The following AUTS2 variants were observed in gnomAD, a reference collection of about 807,000 sequenced individuals.
AUTS2 encodes the protein activator of transcription and developmental regulator AUTS2.
AUTS2 carries 17 observed loss-of-function variants against 112.4 expected under a neutral mutation model. The ratio of observed to expected loss-of-function variants is 0.15; its 90% CI spans 0.10 to 0.23. AUTS2 has a LOEUF of 0.23. Among genes scored for constraint, AUTS2 ranks in the 10% least tolerant of loss-of-function variants. The pLI, the probability that AUTS2 is intolerant of heterozygous loss-of-function variation, is 1.00. For missense variants in AUTS2, 1,510 were observed against 1,701.6 expected (o/e 0.89, Z 1.98); for synonymous variants, 751 against 702.7 (o/e 1.07, Z -1.09).
chr7:70,407,173 G>A (rs1794573533), intron 4 of AUTS2, among the ~76,000 whole-genome samples: 1 of 152,178 alleles, frequency 6.6e-6, no homozygotes, highest in Non-Finnish European at 1.5e-5. Context: ...GATGCAAGTA[G>A]GTTTGGCAGC....
chr7:70,582,578 C>G (rs1042504155), intron 5 of AUTS2, among the ~76,000 whole-genome samples: 2 of 152,174 alleles, frequency 1.3e-5, no homozygotes. Flanking sequence ...TTGGGACTCA[C>G]CACTTCACAG....
At chr7:70,162,274 G>A (rs959232721) in intron 4 of AUTS2, among the ~76,000 whole-genome samples, 12 of 150,058 alleles carry the variant, frequency 8.0e-5, no homozygotes, top group Non-Finnish European at 7.4e-5. Flanking sequence ...GTGAAACCCC[G>A]TCTCTACTAA....
chr7:70,455,788 A>G (rs887942900), intron 5 of AUTS2, among the ~76,000 whole-genome samples: 2 of 152,110 alleles, frequency 1.3e-5, no homozygotes, highest in Non-Finnish European at 2.9e-5. Context: ...CTCTGTCGCT[A>G]CAATTAAAAA....
At chr7:70,608,166 C>T (rs541445703) in intron 5 of AUTS2, among the ~76,000 whole-genome samples, 6 of 152,254 alleles carry the variant, frequency 3.9e-5, no homozygotes, top group Non-Finnish European at 5.9e-5. Flanking sequence ...AGCAATGGCA[C>T]AGTCATAGTT....
chr7:70,043,017 T>TAAA (rs71978854), intron 2 of AUTS2, among the ~76,000 whole-genome samples: 2 of 127,442 alleles, frequency 1.6e-5, no homozygotes, highest in Non-Finnish European at 3.4e-5. Context: ...GCACACTCAC[T>TAAA]AAAAAAAAAA....
chr7:69,718,380 G>A (rs1033164587), intron 1 of AUTS2, among the ~76,000 whole-genome samples: 4 of 152,122 alleles, frequency 2.6e-5, no homozygotes, highest in African/African-American at 9.7e-5. Flanking sequence ...GTGTCAGGGG[G>A]CTGTGTTCCT....
Position 69,894,260 on chromosome 7 carries a change from T to TG in AUTS2, c.310-5026_310-5025insG, listed in dbSNP as rs1794647394. ...AATGAATGCCTTAAAGCGTTTTTTT[T>TG]TTTTTTTTTTTTTTTTTTAACAGAT... On this transcript the variant is annotated intron_variant, in intron 1 of 18. Transcript: ENST00000342771. 3.7e-5 allele frequency among the ~76,000 whole-genome samples: 5 copies of TG among 135,002 alleles called. No individual in the cohort carries two copies. The Admixed American group carries it at 3.8e-4, about 10-fold the overall frequency. 88.6% of individuals were successfully genotyped at this position (135,002 alleles called of 152,430 possible).
chr7:69,908,843 G>A (rs1179323403), intron 2 of AUTS2, among the ~76,000 whole-genome samples: 7 of 152,154 alleles, frequency 4.6e-5, no homozygotes, highest in Non-Finnish European at 8.8e-5. Context: ...ATTCTGAGTA[G>A]GGAACATACA....
intron 4 of AUTS2, among the ~76,000 whole-genome samples, chr7:70,425,330 A>G (rs1795387092): frequency 6.6e-6 from 1 of 152,226 alleles, no homozygotes; most frequent in South Asian, 2.1e-4. Context: ...TGCTACCCTG[A>G]TCATGTAATC....
At chr7:69,782,929 T>G (rs1003424579) in intron 1 of AUTS2, among the ~76,000 whole-genome samples, 1 of 152,136 alleles carries the variant, frequency 6.6e-6, no homozygotes, top group African/African-American at 2.4e-5. Flanking sequence ...GGATTTGTTG[T>G]GTATTGACAT....
rs71077618 is a variant in AUTS2, at chr7:70,110,859, C to CTTTTT, written c.523-7252_523-7248dup. 9.1e-3 allele frequency among the ~76,000 whole-genome samples: 758 copies of CTTTTT among 82,858 alleles called. 2 individuals carry two copies. The highest frequency in any genetic ancestry group is 0.019 in the Middle Eastern group (2 of 104). The allele number at this position is 82,858 out of a possible 152,430, so 54.4% of individuals were successfully genotyped here. On this transcript the variant is annotated intron_variant, in intron 2 of 18. Transcript: ENST00000342771. ...AGGGAATACCTAACTTTCTTTCTTT[C>CTTTTT]TTTTTTTTTTTTTTTTTTTTTTTTT...
chr7:69,722,408 G>A (rs1224912965), intron 1 of AUTS2, among the ~76,000 whole-genome samples: 2 of 137,446 alleles, frequency 1.5e-5, no homozygotes, highest in South Asian at 4.4e-4. Context: ...ACCAAGTCTC[G>A]CTTTGTCACC....
intron 4 of AUTS2, among the ~76,000 whole-genome samples, chr7:70,321,649 A>G (rs909154146): frequency 6.6e-6 from 1 of 152,194 alleles, no homozygotes; most frequent in Non-Finnish European, 1.5e-5. Context: ...TAAGTCATGC[A>G]CTTCTAAGTT....
intron 6 of AUTS2, chr7:70,729,183 CG>C (rs1373109063): frequency 1.3e-5 from 6 of 456,432 alleles, no homozygotes; most frequent in Non-Finnish European, 8.8e-6. Context: ...AGACCTGTGC[CG>C]GGGGTGGGGC....
chr7:69,854,430 T>C (rs972831648), intron 1 of AUTS2, among the ~76,000 whole-genome samples: 1 of 152,196 alleles, frequency 6.6e-6, no homozygotes, highest in African/African-American at 2.4e-5. Flanking sequence ...TTAGAGCTTT[T>C]TGATCTGTTG....
At chr7:69,723,680 A>G (rs977681005) in intron 1 of AUTS2, among the ~76,000 whole-genome samples, 2 of 152,172 alleles carry the variant, frequency 1.3e-5, no homozygotes, top group Admixed American at 1.3e-4. Context: ...AAGACCTTGC[A>G]AGAACCACTG....
chr7:69,992,250 A>G (rs1489396062), intron 2 of AUTS2, among the ~76,000 whole-genome samples: 1 of 152,226 alleles, frequency 6.6e-6, no homozygotes, highest in African/African-American at 2.4e-5. Flanking sequence ...AGATGTGAGA[A>G]GTCTGAAGTG....
chr7:69,890,277 G>C (rs929445375), intron 1 of AUTS2, among the ~76,000 whole-genome samples: 4 of 152,208 alleles, frequency 2.6e-5, no homozygotes, highest in African/African-American at 9.7e-5. Flanking sequence ...TAAACGGATA[G>C]TCGTGACCTC....
intron 1 of AUTS2, among the ~76,000 whole-genome samples, chr7:69,762,656 G>T (rs1788243247): frequency 6.6e-6 from 1 of 152,038 alleles, no homozygotes; most frequent in African/African-American, 2.4e-5. Flanking sequence ...ATTCGTGTTG[G>T]TGACCAATGT....
Sources: allele counts gnomAD v4.1 joint callset (sites outside exome capture counted in the v4.1 genomes callset), GRCh38; gene constraint gnomAD v4.1.1; transcripts MANE v1.5; gene names NCBI Gene and HGNC (gene_info 2026-07-23, HGNC 2026-07-21).